Variants in RBFOX3 observed in about 807,000 individuals in gnomAD.
RBFOX3 encodes RNA binding fox-1 homolog 3, also known as RNA binding protein fox-1 homolog 3.
In RBFOX3, 17 loss-of-function variants were observed where a neutral mutation model predicts 48.7. The observed-to-expected ratio is 0.35, with a 90% confidence interval of 0.24 to 0.52. The LOEUF (loss-of-function observed/expected upper bound fraction) is 0.52. Among genes scored for constraint, RBFOX3 ranks in the 20% least tolerant of loss-of-function variants. The pLI is 0.94. For synonymous variants in RBFOX3, 212 were observed against 209.5 expected, an observed-to-expected ratio of 1.01 and a Z score of -0.10; for missense variants, 382 against 497.5, an observed-to-expected ratio of 0.77 and a Z score of 2.21.
intron 4 of RBFOX3, among the ~76,000 whole-genome samples, chr17:79,216,160 C>A (rs759711163): frequency 2.8e-4 from 43 of 152,232 alleles, no homozygotes; most frequent in Non-Finnish European, 4.4e-4. Context: ...CTGGATATGT[C>A]ACTGCCACCT....
chr17:79,328,781 T>C (rs2079743357), intron 2 of RBFOX3, among the ~76,000 whole-genome samples: 1 of 152,330 alleles, frequency 6.6e-6, no homozygotes, highest in East Asian at 1.9e-4. Context: ...ACTTGATGAA[T>C]GGCCGTTTCC....
intron 2 of RBFOX3, among the ~76,000 whole-genome samples, chr17:79,474,625 C>T (rs998384263): frequency 7.9e-5 from 12 of 152,154 alleles, no homozygotes; most frequent in African/African-American, 2.4e-4. Flanking sequence ...TTCAGTGCAG[C>T]GTGTACCCAG....
intron 4 of RBFOX3, among the ~76,000 whole-genome samples, chr17:79,145,255 C>A (rs1167250813): frequency 6.6e-6 from 1 of 152,196 alleles, no homozygotes; most frequent in African/African-American, 2.4e-5. Flanking sequence ...CCTGCGTCTC[C>A]TGGGGTCTTG....
rs113194894 is a variant in RBFOX3, at chr17:79,117,675, C to G, written c.-33-1927G>C. On this transcript the variant is annotated intron_variant, in intron 4 of 14. Transcript: ENST00000693108. ...ATGTCCACCTCTGTCCTGCCTCCCC[C>G]ACCCCTAGCCTGTCCTCTGCATCCT... Among the ~76,000 whole-genome samples the G allele has an allele frequency of 9.1e-3, 1,389 of 152,324 alleles. 22 individuals are homozygous for G. Among genetic ancestry groups the G allele is most frequent in the African/African-American group, 0.03 (1,248 of 41,566 alleles).
intron 2 of RBFOX3, among the ~76,000 whole-genome samples, chr17:79,436,870 A>C (rs1362625102): frequency 2.6e-5 from 4 of 152,030 alleles, no homozygotes; most frequent in Non-Finnish European, 4.4e-5. Context: ...TTGACAAAAA[A>C]CTGCCACCCA....
Position 79,311,068 on chromosome 17 carries a change from G to T in RBFOX3, c.-174-3244C>A, listed in dbSNP as rs1870013347. On this transcript the variant is annotated intron_variant, in intron 2 of 14. Coordinates refer to ENST00000693108, the MANE Select transcript of RBFOX3 (RefSeq NM_001350451.2). The surrounding 1 kb of genome is among the most constrained non-coding windows in gnomAD (Gnocchi z 4.2). Reference sequence around the variant, plus strand: ...TGGGCTTCATCCAGTCAGTCGAAAGGCTTCATCCGGTCAGTTAAAAGGCCT... The same window carrying T: ...TGGGCTTCATCCAGTCAGTCGAAAGTCTTCATCCGGTCAGTTAAAAGGCCT... 6.6e-6 allele frequency among the ~76,000 whole-genome samples: 1 copy of T among 152,140 alleles called. No individual in the cohort carries two copies.
intron 1 of RBFOX3, among the ~76,000 whole-genome samples, chr17:79,552,193 A>T (rs1372368260): frequency 1.3e-5 from 2 of 152,240 alleles, no homozygotes; most frequent in Non-Finnish European, 2.9e-5. Flanking sequence ...ATGGCATAGT[A>T]AAAGAAAAAT....
At chr17:79,570,684 C>T (rs1285955902) in intron 1 of RBFOX3, among the ~76,000 whole-genome samples, 2 of 152,144 alleles carry the variant, frequency 1.3e-5, no homozygotes, top group African/African-American at 2.4e-5. Context: ...CAAAGTGACA[C>T]TTACAGACCC....
intron 2 of RBFOX3, among the ~76,000 whole-genome samples, chr17:79,403,801 TGAGATGGAG>T (rs2063153007): frequency 7.4e-6 from 1 of 135,536 alleles, no homozygotes. Context: ...TTTTTTTTTT[TGAGATGGAG>T]TCTTGCTCTG....
chr17:79,100,632 T>G lies in RBFOX3; in HGVS notation c.568+952A>C, dbSNP rs1285759525. ...GGCTGGGGGTGACACCGTCTGAAAG[T>G]CCACGGCAACAGGGAGATCCATCCC... On this transcript the variant is annotated intron_variant, in intron 9 of 14. Coordinates refer to ENST00000693108, the MANE Select transcript of RBFOX3 (RefSeq NM_001350451.2). 3.9e-5 allele frequency among the ~76,000 whole-genome samples: 6 copies of G among 152,056 alleles called. No individual in the cohort carries two copies. In the East Asian group the frequency reaches 9.7e-4, roughly 25 times the overall value.
the RBFOX3 span, among the ~76,000 whole-genome samples, chr17:79,655,955 A>G: frequency 6.6e-6 from 1 of 152,018 alleles, no homozygotes; most frequent in Admixed American, 6.6e-5. Flanking sequence ...TCTGGATGCC[A>G]TTCTCTACCT....
chr17:79,206,303 C>T (rs2057469139), intron 4 of RBFOX3, among the ~76,000 whole-genome samples: 1 of 152,088 alleles, frequency 6.6e-6, no homozygotes. Context: ...CTAACACTTC[C>T]AAAGGCTATC....
intron 2 of RBFOX3, among the ~76,000 whole-genome samples, chr17:79,400,884 C>G (rs1380755467): frequency 6.6e-6 from 1 of 152,214 alleles, no homozygotes; most frequent in East Asian, 1.9e-4. Flanking sequence ...CAGCCCCTCA[C>G]AAAGCTGCCA....
At chr17:79,487,694 G>T (rs1331219795) in intron 1 of RBFOX3, among the ~76,000 whole-genome samples, 1 of 152,028 alleles carries the variant, frequency 6.6e-6, no homozygotes, top group Non-Finnish European at 1.5e-5. Context: ...GGTGGATCAC[G>T]AGGTCAGGAG....
chr17:79,373,988 A>G (rs1444783023), intron 2 of RBFOX3, among the ~76,000 whole-genome samples: 1 of 152,138 alleles, frequency 6.6e-6, no homozygotes, highest in East Asian at 1.9e-4. Context: ...CCTCCTGAGT[A>G]GCTGGGATTA....
chr17:79,143,834 G>A (rs75747885), intron 4 of RBFOX3, among the ~76,000 whole-genome samples: 2 of 152,188 alleles, frequency 1.3e-5, no homozygotes, highest in East Asian at 1.9e-4. Context: ...ATTTTCAGTC[G>A]GTGAGGACCC....
intron 2 of RBFOX3, among the ~76,000 whole-genome samples, chr17:79,383,761 C>G (rs1395855033): frequency 6.6e-6 from 1 of 152,166 alleles, no homozygotes; most frequent in African/African-American, 2.4e-5. Flanking sequence ...ACTGTAGGGC[C>G]TGGGGAGCTC....
intron 13 of RBFOX3, 40 bp downstream of exon 13, chr17:79,095,473 C>T (rs984870580): frequency 2.6e-6 from 4 of 1,528,992 alleles, no homozygotes; most frequent in Non-Finnish European, 3.5e-6. Flanking sequence ...TCCATCTTCT[C>T]CCCACCCTGC....
intron 3 of RBFOX3, among the ~76,000 whole-genome samples, chr17:79,237,646 T>A (rs1263971213): frequency 6.6e-6 from 1 of 152,194 alleles, no homozygotes; most frequent in Non-Finnish European, 1.5e-5. Flanking sequence ...GGGTACTTCA[T>A]AGGCGGGCCC....
Sources: gnomAD v4.1 joint callset for allele counts (sites outside exome capture counted in the v4.1 genomes callset) on GRCh38, gnomAD v4.1.1 for gene constraint, Gnocchi (gnomAD v3.1) non-coding constraint, MANE v1.5 for transcripts, NCBI Gene and HGNC (gene_info 2026-07-23, HGNC 2026-07-21) for gene names.